Variants in RTN3 observed in about 807,000 individuals in gnomAD.
RTN3 encodes reticulon-3.
Under a neutral mutation model 77.8 loss-of-function variants are expected in RTN3, and 49 were observed. The ratio of observed to expected loss-of-function variants is 0.63; its 90% CI spans 0.50 to 0.80. The LOEUF is 0.80. RTN3 is among the 30% of genes least tolerant of loss of function. The pLI, the probability that RTN3 is intolerant of heterozygous loss-of-function variation, is 0.00. For synonymous variants in RTN3, 464 were observed against 446.9 expected (o/e 1.04, Z -0.48); for missense variants, 1,236 against 1,211.9 (o/e 1.02, Z -0.29).
At chr11:63,756,197 C>A in intron 8 of RTN3, 27 bp downstream of exon 8, 1 of 1,498,182 alleles carries the variant, frequency 6.7e-7, no homozygotes, top group Non-Finnish European at 9.3e-7. Flanking sequence ...ACCACATCAT[C>A]ATGAGGTATG....
chr11:63,685,495 C>CAAAAAAAAAAAAAAAAAAA (rs55888863), intron 1 of RTN3, among the ~76,000 whole-genome samples: 14 of 115,662 alleles, frequency 1.2e-4, no homozygotes, highest in African/African-American at 3.7e-4. Context: ...GACTCCATCT[C>CAAAAAAAAAAAAAAAAAAA]AAAAAAAAAA....
chr11:63,701,671 G>A (rs1457489871), intron 1 of RTN3, among the ~76,000 whole-genome samples: 2 of 152,156 alleles, frequency 1.3e-5, no homozygotes, highest in East Asian at 1.9e-4. Context: ...TTAGACCTGG[G>A]TGTGGTGGCT....
intron 3 of RTN3, among the ~76,000 whole-genome samples, chr11:63,733,465 G>A (rs1288399760): frequency 6.6e-6 from 1 of 151,964 alleles, no homozygotes; most frequent in African/African-American, 2.4e-5. Context: ...CTCCAGCCTG[G>A]GCGACAGAGA....
intron 1 of RTN3, among the ~76,000 whole-genome samples, chr11:63,703,117 T>TA (rs913906889): frequency 6.6e-4 from 100 of 151,202 alleles, no homozygotes; most frequent in African/African-American, 2.0e-3. Flanking sequence ...AAAACAACAA[T>TA]AAAAAAAAAC....
chr11:63,692,248 C>G (rs935751774), intron 1 of RTN3, among the ~76,000 whole-genome samples: 51 of 152,234 alleles, frequency 3.4e-4, no homozygotes, highest in African/African-American at 1.1e-3. Context: ...GTTTTGAACT[C>G]CTGACCTCAA....
At chr11:63,697,337 ACT>A (rs1309315124) in intron 1 of RTN3, among the ~76,000 whole-genome samples, 1 of 140,124 alleles carries the variant, frequency 7.1e-6, no homozygotes, top group African/African-American at 2.7e-5. Flanking sequence ...ATAGAGCCTC[ACT>A]CTGTCGCCCA....
intron 3 of RTN3, among the ~76,000 whole-genome samples, chr11:63,748,556 G>C (rs895907832): frequency 1.3e-5 from 2 of 150,854 alleles, no homozygotes; most frequent in African/African-American, 4.9e-5. Flanking sequence ...CACCATGTTG[G>C]CCAGTCTGGT....
intron 1 of RTN3, among the ~76,000 whole-genome samples, chr11:63,694,943 T>G (rs1297397826): frequency 1.3e-5 from 2 of 152,214 alleles, no homozygotes; most frequent in Non-Finnish European, 2.9e-5. Context: ...TCTTGGAAAT[T>G]AGCACTGTTT....
chr11:63,681,518 C>T lies in RTN3; in HGVS notation c.-119C>T, dbSNP rs762554164. The T allele has an allele frequency of 1.5e-5, 17 of 1,101,210 alleles. No individual in the cohort carries two copies. Among genetic ancestry groups the T allele is most frequent in the Non-Finnish European group, 2.1e-5 (17 of 796,614 alleles). 68.2% of individuals were successfully genotyped at this position (1,101,210 alleles called of 1,614,324 possible). On this transcript the variant is annotated 5_prime_UTR_variant, in exon 1 of 9. Coordinates refer to ENST00000377819, the MANE Select transcript of RTN3 (RefSeq NM_001265589.2). ...GTCAGTCAGTCTGTCGGAGTCTGTC[C>T]TCGGAGCAGGCGGAGTAAAGGGACT...
chr11:63,720,116 A>G lies in RTN3; in HGVS notation c.1614A>G (p.Glu538=). The G allele has an allele frequency of 6.2e-7, 1 of 1,612,988 alleles. No individual in the cohort carries two copies. Among genetic ancestry groups the G allele is most frequent in the Non-Finnish European group, 8.5e-7 (1 of 1,179,688 alleles). The change falls in exon 3 of 9, where the codon GAA becomes GAG. Residue 538 remains glutamate, a synonymous_variant. Coordinates refer to ENST00000377819, the MANE Select transcript of RTN3 (RefSeq NM_001265589.2). Reference sequence around the variant, plus strand: ...CTGTTGTAAAAACAGGTGAAAGAGAAATCAAAGAGATTCCCAGTTGTGAGA... The same window carrying G: ...CTGTTGTAAAAACAGGTGAAAGAGAGATCAAAGAGATTCCCAGTTGTGAGA... ...PSAVVKTGER[E]IKEIPSCERE... is the part of the protein sequence containing the mutation.
At position 63,686,623 on chromosome 11, in the gene RTN3, G is replaced by C. The variant is rs971712998; in HGVS notation, c.142+4845G>C. 2.1e-4 allele frequency among the ~76,000 whole-genome samples: 32 copies of C among 152,266 alleles called. 1 individual carries two copies. Among genetic ancestry groups the C allele is most frequent in the African/African-American group, 6.7e-4 (28 of 41,554 alleles). Reference sequence around the variant, plus strand: ...GTGGCTTGCTTGAGCTCACGAGTTTGAGACCAGCCTGGACAATAGTGGTGA... The same window carrying C: ...GTGGCTTGCTTGAGCTCACGAGTTTCAGACCAGCCTGGACAATAGTGGTGA... On this transcript the variant is annotated intron_variant, in intron 1 of 8. Transcript: ENST00000377819.
chr11:63,719,463 G>A lies in RTN3; in HGVS notation c.961G>A (p.Ala321Thr). 2 of 1,614,116 alleles carry A rather than the reference G, an allele frequency of 1.2e-6. No individual in the cohort carries two copies. The highest frequency in any genetic ancestry group is 1.7e-6 in the Non-Finnish European group (2 of 1,180,010). ...LSRQFSHTNA[A>T]LEEVSRCVND... is the part of the protein sequence containing the mutation. ...TAGGCAGTTTTCACACACAAATGCAGCACTGGAAGAGGTGTCCAGATGCGT... is the reference window on the plus strand; with the variant it reads ...TAGGCAGTTTTCACACACAAATGCAACACTGGAAGAGGTGTCCAGATGCGT... Residue 321 changes from alanine (A) to threonine (T), a missense_variant, in exon 3 of 9, where the codon GCA becomes ACA. Ala to Thr is a moderately conservative substitution (Grantham distance 58). Around this residue, in one of 3 missense-constraint regions of RTN3, gnomAD observed 1,056 missense variants for 990.4 expected, o/e 1.07. Coordinates refer to ENST00000377819, the MANE Select transcript of RTN3 (RefSeq NM_001265589.2).
Position 63,719,011 on chromosome 11 carries a change from CAAAG to C in RTN3, c.513_516del (p.Lys172LeufsTer8). 1.2e-6 allele frequency: 2 copies of C among 1,614,102 alleles called. No individual in the cohort carries two copies. The highest frequency in any genetic ancestry group is 1.7e-6 in the Non-Finnish European group (2 of 1,180,024). ...TTCCCAGAGCATCCTGCTTTTCTCT[CAAAG>C]AAAATTGGTCAAGTGGAAGAGCAAA... On this transcript the variant is annotated frameshift_variant, in exon 3 of 9. Coordinates refer to ENST00000377819, the MANE Select transcript of RTN3 (RefSeq NM_001265589.2). LOFTEE classifies it high-confidence loss of function.
intron 3 of RTN3, among the ~76,000 whole-genome samples, chr11:63,741,186 G>T (rs1019487441): frequency 1.3e-5 from 2 of 150,924 alleles, no homozygotes; most frequent in African/African-American, 4.9e-5. Context: ...TTTTATTATA[G>T]TTATTTATTT....
intron 1 of RTN3, among the ~76,000 whole-genome samples, chr11:63,693,163 A>G (rs1180493652): frequency 6.6e-6 from 1 of 152,004 alleles, no homozygotes; most frequent in Non-Finnish European, 1.5e-5. Flanking sequence ...GAGTGGAGAA[A>G]CTCTTCCCAG....
At chr11:63,736,599 A>C (rs1565335187) in intron 3 of RTN3, among the ~76,000 whole-genome samples, 1 of 152,142 alleles carries the variant, frequency 6.6e-6, no homozygotes, top group Non-Finnish European at 1.5e-5. Context: ...GAGGCAGTAG[A>C]ATCGCTTGAA....
chr11:63,757,813 G>A (rs745826362), intron 8 of RTN3, among the ~76,000 whole-genome samples: 2 of 150,050 alleles, frequency 1.3e-5, no homozygotes, highest in Admixed American at 6.7e-5. Flanking sequence ...TCCACCTCCC[G>A]GGTTCAAGCG....
rs1237452950 is a variant in RTN3, at chr11:63,744,426, T to C, written c.2531-5565T>C. 3.3e-5 allele frequency among the ~76,000 whole-genome samples: 5 copies of C among 152,072 alleles called. No homozygotes were observed. The East Asian group carries it at 9.6e-4, about 29-fold the overall frequency. ...AGTTAACTTACATAAACCTAGAAGGTATACTACTACATACCTATGCAATAT... is the reference window on the plus strand; with the variant it reads ...AGTTAACTTACATAAACCTAGAAGGCATACTACTACATACCTATGCAATAT... On this transcript the variant is annotated intron_variant, in intron 3 of 8. Coordinates refer to ENST00000377819, the MANE Select transcript of RTN3 (RefSeq NM_001265589.2).
At chr11:63,692,262 G>A (rs550964735) in intron 1 of RTN3, among the ~76,000 whole-genome samples, 13 of 152,110 alleles carry the variant, frequency 8.5e-5, no homozygotes, top group African/African-American at 3.1e-4. Context: ...ACCTCAAGTC[G>A]TCCATCAACC....
Sources: allele counts gnomAD v4.1 joint callset (sites outside exome capture counted in the v4.1 genomes callset), GRCh38; gene constraint gnomAD v4.1.1; regional missense constraint gnomAD v4.1.1; transcripts MANE v1.5; gene names NCBI Gene and HGNC (gene_info 2026-07-23, HGNC 2026-07-21).